The following ADAMTS17 variants were observed in gnomAD, a reference collection of about 807,000 sequenced individuals.
ADAMTS17 encodes the protein A disintegrin and metalloproteinase with thrombospondin motifs 17.
ADAMTS17 carries 113 observed loss-of-function variants against 141.5 expected under a neutral mutation model. That is an observed-to-expected ratio of 0.80 (90% confidence interval 0.69 to 0.93). The LOEUF is 0.93. Among genes scored for constraint, ADAMTS17 ranks in the 40% least tolerant of loss-of-function variants. The pLI is 0.00. For missense variants in ADAMTS17, 1,659 were observed against 1,517.9 expected (o/e 1.09, Z -1.54); for synonymous variants, 768 against 630.6 (o/e 1.22, Z -3.27).
intron 7 of ADAMTS17, among the ~76,000 whole-genome samples, chr15:100,213,899 A>G (rs2041887717): frequency 6.6e-6 from 1 of 152,224 alleles, no homozygotes; most frequent in Non-Finnish European, 1.5e-5. Flanking sequence ...CTGAGCCCCT[A>G]TGTCAAAGTT....
intron 20 of ADAMTS17, among the ~76,000 whole-genome samples, chr15:99,982,998 T>C (rs2060511415): frequency 6.6e-6 from 1 of 152,226 alleles, no homozygotes; most frequent in South Asian, 2.1e-4. Flanking sequence ...TCATGTGCTT[T>C]TTTTGTGTGC....
intron 18 of ADAMTS17, among the ~76,000 whole-genome samples, chr15:100,015,854 T>C (rs1332205765): frequency 1.3e-5 from 2 of 152,230 alleles, no homozygotes; most frequent in East Asian, 3.8e-4. Context: ...TAAGTGATGA[T>C]CTTTTTGCGA....
intron 6 of ADAMTS17, among the ~76,000 whole-genome samples, chr15:100,255,088 G>T (rs2043280358): frequency 6.6e-6 from 1 of 152,210 alleles, no homozygotes; most frequent in Non-Finnish European, 1.5e-5. Flanking sequence ...CAGTGAGACA[G>T]CAAAGATGCT....
intron 8 of ADAMTS17, among the ~76,000 whole-genome samples, chr15:100,186,606 G>A (rs1399696340): frequency 6.6e-6 from 1 of 152,216 alleles, no homozygotes; most frequent in Non-Finnish European, 1.5e-5. Flanking sequence ...CAGGCAGGAA[G>A]CAACTCTCTC....
chr15:100,312,792 T>C (rs561584489), intron 3 of ADAMTS17, among the ~76,000 whole-genome samples: 1 of 152,132 alleles, frequency 6.6e-6, no homozygotes, highest in African/African-American at 2.4e-5. Context: ...GGTCACTCCA[T>C]ACAGTCCCAT....
At chr15:100,072,782 T>G (rs1024290620) in intron 15 of ADAMTS17, among the ~76,000 whole-genome samples, 9 of 152,152 alleles carry the variant, frequency 5.9e-5, no homozygotes, top group African/African-American at 2.2e-4. Flanking sequence ...ACTTAAATGT[T>G]AGATCTAAAA....
chr15:100,232,579 G>C (rs1487346485), intron 7 of ADAMTS17, among the ~76,000 whole-genome samples: 1 of 152,252 alleles, frequency 6.6e-6, no homozygotes, highest in Non-Finnish European at 1.5e-5. Context: ...CCCTCCTTTT[G>C]ATGGCAACGA....
chr15:100,200,955 G>T (rs1194766437), intron 7 of ADAMTS17, among the ~76,000 whole-genome samples: 1 of 152,244 alleles, frequency 6.6e-6, no homozygotes, highest in Admixed American at 6.5e-5. Flanking sequence ...CTTTCCAAGG[G>T]CTCCTTCCAT....
chr15:100,220,953 G>A (rs572470352), intron 7 of ADAMTS17, among the ~76,000 whole-genome samples: 161 of 152,276 alleles, frequency 1.1e-3, no homozygotes, highest in Admixed American at 2.5e-3. Context: ...GGACTATGAC[G>A]GATAATGCGA....
At chr15:100,300,163 A>G (rs1268664736) in intron 3 of ADAMTS17, among the ~76,000 whole-genome samples, 1 of 152,134 alleles carries the variant, frequency 6.6e-6, no homozygotes, top group African/African-American at 2.4e-5. Context: ...AGGGCTGTTT[A>G]CAGTCAGGTG....
intron 15 of ADAMTS17, among the ~76,000 whole-genome samples, chr15:100,091,010 C>CAAAAAAAAAAAAAAAAAAAAAA (rs556800178): frequency 3.7e-5 from 2 of 54,606 alleles, no homozygotes; most frequent in East Asian, 5.6e-4. Context: ...TCCGTCTCAA[C>CAAAAAAAAAAAAAAAAAAAAAA]AAAAAAAAAA....
chr15:100,089,818 A>T (rs2035338230), intron 15 of ADAMTS17, among the ~76,000 whole-genome samples: 1 of 117,742 alleles, frequency 8.5e-6, no homozygotes, highest in East Asian at 2.9e-4. Flanking sequence ...AACATCACAC[A>T]CTGGGGACTG....
chr15:100,028,802 G>A (rs755446628), intron 18 of ADAMTS17, among the ~76,000 whole-genome samples: 79 of 152,280 alleles, frequency 5.2e-4, no homozygotes, highest in Admixed American at 5.1e-3. Context: ...CTCTTTGCCT[G>A]CTTTCTTCTA....
intron 4 of ADAMTS17, among the ~76,000 whole-genome samples, chr15:100,279,722 C>CTT (rs1053989498): frequency 1.3e-5 from 2 of 152,204 alleles, no homozygotes; most frequent in African/African-American, 4.8e-5. Flanking sequence ...CTTCGCACCC[C>CTT]TTTCCCTCTA....
At chr15:100,281,053 G>T (rs756343077) in intron 4 of ADAMTS17, among the ~76,000 whole-genome samples, 176 bp downstream of exon 4, 3 of 152,128 alleles carry the variant, frequency 2.0e-5, no homozygotes, top group African/African-American at 7.2e-5. Context: ...CTCTTCCATC[G>T]GGATGTCCCC....
At chr15:100,221,788 T>C (rs886610404) in intron 7 of ADAMTS17, among the ~76,000 whole-genome samples, 5 of 152,196 alleles carry the variant, frequency 3.3e-5, no homozygotes, top group Non-Finnish European at 1.5e-5. Flanking sequence ...CAGAATTCCA[T>C]TTACTTCCAA....
At chr15:100,078,185 T>G (rs1007555490) in intron 15 of ADAMTS17, among the ~76,000 whole-genome samples, 3 of 151,660 alleles carry the variant, frequency 2.0e-5, no homozygotes, top group Non-Finnish European at 4.4e-5. Flanking sequence ...GGTCTACAGA[T>G]TCAACGTAAT....
chr15:100,270,738 A>C (rs934464521), intron 4 of ADAMTS17, among the ~76,000 whole-genome samples: 1 of 66,460 alleles, frequency 1.5e-5, no homozygotes, highest in Non-Finnish European at 3.0e-5. Context: ...TGTTTTTAAA[A>C]ATTGTGGTAA....
At chr15:100,054,781 C>A (rs1259709820) in intron 15 of ADAMTS17, among the ~76,000 whole-genome samples, 1 of 152,182 alleles carries the variant, frequency 6.6e-6, no homozygotes, top group African/African-American at 2.4e-5. Flanking sequence ...TCACCCACAT[C>A]TCTACCAGGG....
Sources: gnomAD v4.1 joint callset for allele counts (sites outside exome capture counted in the v4.1 genomes callset) on GRCh38, gnomAD v4.1.1 for gene constraint, MANE v1.5 for transcripts, NCBI Gene and HGNC (gene_info 2026-07-23, HGNC 2026-07-21) for gene names.